Variants in S100A11 observed in about 807,000 individuals in gnomAD.
S100A11 encodes the protein S100 calcium binding protein A11, also known as protein S100-A11.
A neutral mutation model predicts 7.4 loss-of-function variants in S100A11; 5 were observed. That is an observed-to-expected ratio of 0.68 (90% CI 0.35 to 1.42). The LOEUF is 1.42. Among genes scored for constraint, S100A11 ranks in the 40% most tolerant of loss-of-function variants. S100A11 has a pLI of 0.04. For missense variants in S100A11, 96 were observed against 125.0 expected, an observed-to-expected ratio of 0.77 and a Z score of 1.11; for synonymous variants, 47 against 46.6, an observed-to-expected ratio of 1.01 and a Z score of -0.04.
At chr1:152,036,357 C>T (rs1447255944) in intron 1 of S100A11, among the ~76,000 whole-genome samples, 1 of 152,194 alleles carries the variant, frequency 6.6e-6, no homozygotes, top group Non-Finnish European at 1.5e-5. Context: ...CTCCCACATT[C>T]TTGGCCGCGG....
At position 152,036,926 on chromosome 1, in the gene S100A11, A is replaced by G; in HGVS notation, c.-11T>C. On this transcript the variant is annotated 5_prime_UTR_variant, in exon 1 of 3. Coordinates refer to ENST00000271638, the MANE Select transcript of S100A11 (RefSeq NM_005620.2). The stretch of plus-strand genomic sequence containing the variant: ...AGTGAGGCTTACCATGTTGGAGCTG[A>G]GCGAGGCGCGGGAGGCTGTGGCTGG... 2 of 1,613,496 alleles carry G rather than the reference A, an allele frequency of 1.2e-6. No homozygotes were observed. The highest frequency in any genetic ancestry group is 1.7e-6 in the Non-Finnish European group (2 of 1,179,666).
In S100A11 at chr1:152,033,975, C is replaced by T. The variant is rs1012981837; in HGVS notation, c.4-175G>A. On this transcript the variant is annotated intron_variant, in intron 1 of 2. Coordinates refer to ENST00000271638, the MANE Select transcript of S100A11 (RefSeq NM_005620.2). This position sits in a 1 kb window ranked among gnomAD's most constrained non-coding sequence, Gnocchi z 4.0. Reference sequence around the variant, plus strand: ...ACAAAAAGTCACACTCTGTGACCTTCCGTCCTACCCCTCGCCACATGTTTA... The same window carrying T: ...ACAAAAAGTCACACTCTGTGACCTTTCGTCCTACCCCTCGCCACATGTTTA... 5.9e-5 allele frequency among the ~76,000 whole-genome samples: 9 copies of T among 152,196 alleles called. No homozygotes were observed. The highest frequency in any genetic ancestry group is 8.8e-5 in the Non-Finnish European group (6 of 68,036).
In S100A11 at chr1:152,033,832, A is replaced by C; in HGVS notation, c.4-32T>G. The C allele has an allele frequency of 6.2e-7, 1 of 1,605,442 alleles. No individual in the cohort carries two copies. The highest frequency in any genetic ancestry group is 8.5e-7 in the Non-Finnish European group (1 of 1,172,258). ...AGAAAAAAAATTGCAGGGCTCAGACAAGGGAAGATGTCAAGGCTGGATACT... is the reference window on the plus strand; with the variant it reads ...AGAAAAAAAATTGCAGGGCTCAGACCAGGGAAGATGTCAAGGCTGGATACT... On this transcript the variant is annotated intron_variant, in intron 1 of 2. Coordinates refer to ENST00000271638, the MANE Select transcript of S100A11 (RefSeq NM_005620.2). This position sits in a 1 kb window ranked among gnomAD's most constrained non-coding sequence, Gnocchi z 4.0.
Position 152,032,647 on chromosome 1 carries a change from A to C in S100A11, c.*15T>G, listed in dbSNP as rs1656761582. On this transcript the variant is annotated 3_prime_UTR_variant, in exon 3 of 3. Transcript: ENST00000271638. ...AGGAAAGGGGGTGGGTTTGAAGGCC[A>C]GGGCCAAGGGGTCCTCAGGTCCGCT... 4 of 1,597,116 alleles carry C rather than the reference A, an allele frequency of 2.5e-6. No individual in the cohort carries two copies. The highest frequency in any genetic ancestry group is 1.7e-5 in the Admixed American group (1 of 59,688).
At chr1:152,035,487 A>G (rs1361231076) in intron 1 of S100A11, among the ~76,000 whole-genome samples, 2 of 152,218 alleles carry the variant, frequency 1.3e-5, no homozygotes, top group Admixed American at 6.5e-5. Context: ...TTTTCTTTTG[A>G]AAACTGTTGC....
intron 1 of S100A11, among the ~76,000 whole-genome samples, chr1:152,036,615 T>TC (rs150529562): frequency 0.025 from 3,637 of 147,418 alleles, 196 homozygotes; most frequent in African/African-American, 0.086. Context: ...CCACGACGGG[T>TC]CCCCCCCCCG....
Position 152,033,555 on chromosome 1 carries a change from T to C in S100A11, c.156+93A>G, listed in dbSNP as rs1656778092. 4.3e-6 allele frequency: 5 copies of C among 1,171,270 alleles called. No individual in the cohort carries two copies. Among genetic ancestry groups the C allele is most frequent in the South Asian group, 1.3e-5 (1 of 76,194 alleles). The allele number at this position is 1,171,270 out of a possible 1,614,324, so 72.6% of individuals were successfully genotyped here. ...TAAAATGAAGCAAGAGTGTGGGGTGTCAGTTGCTGCTCCTTCATTCCTGGC... is the reference window on the plus strand; with the variant it reads ...TAAAATGAAGCAAGAGTGTGGGGTGCCAGTTGCTGCTCCTTCATTCCTGGC... On this transcript the variant is annotated intron_variant, in intron 2 of 2. Coordinates refer to ENST00000271638, the MANE Select transcript of S100A11 (RefSeq NM_005620.2). The surrounding 1 kb of genome is among the most constrained non-coding windows in gnomAD (Gnocchi z 4.0).
intron 1 of S100A11, among the ~76,000 whole-genome samples, chr1:152,036,607 A>C (rs1656838070): frequency 2.0e-5 from 3 of 149,520 alleles, no homozygotes; most frequent in African/African-American, 2.6e-5. Context: ...GCAGTGACCC[A>C]CGACGGGTCC....
intron 1 of S100A11, 70 bp downstream of exon 1, chr1:152,036,843 A>T: frequency 7.5e-7 from 1 of 1,335,450 alleles, no homozygotes. Context: ...GTCTGCTGGG[A>T]AGTATGTGGG....
intron 1 of S100A11, among the ~76,000 whole-genome samples, chr1:152,034,050 T>C (rs1470258992): frequency 1.3e-5 from 2 of 152,232 alleles, no homozygotes; most frequent in Non-Finnish European, 2.9e-5. Flanking sequence ...CTGGCACGTT[T>C]AAAAGCAGTA....
intron 2 of S100A11, 30 bp from the exon 3 acceptor site, chr1:152,032,853 T>C: frequency 2.8e-6 from 4 of 1,428,660 alleles, no homozygotes; most frequent in Non-Finnish European, 3.8e-6. Flanking sequence ...TACACCTTTA[T>C]ATCGCATCTT....
Position 152,032,731 on chromosome 1 carries a change from C to T in S100A11, c.249G>A (p.Leu83=), listed in dbSNP as rs781086937. The T allele has an allele frequency of 6.2e-6, 10 of 1,613,966 alleles. No individual in the cohort carries two copies. In the African/African-American group the frequency reaches 1.3e-4, roughly 22 times the overall value. The change falls in exon 3 of 3, where the codon CTG becomes CTA. Residue 83 remains leucine, a synonymous_variant. Transcript: ENST00000271638. ...GGCAAGCCATAGCTAGGCCACCAATCAGATTAAGAAATTCTGAGAAATCTA... is the reference window on the plus strand; with the variant it reads ...GGCAAGCCATAGCTAGGCCACCAATTAGATTAAGAAATTCTGAGAAATCTA... ...GQLDFSEFLN[L]IGGLAMACHD...
chr1:152,032,909 T>A, intron 2 of S100A11, 86 bp from the exon 3 acceptor site: 2 of 1,056,212 alleles, frequency 1.9e-6, no homozygotes, highest in Non-Finnish European at 2.9e-6. Context: ...CTCACAGGAG[T>A]ATAAGGTACA....
Position 152,032,613 on chromosome 1 carries a change from A to G in S100A11, c.*49T>C. The G allele has an allele frequency of 6.4e-7, 1 of 1,564,504 alleles. No individual in the cohort carries two copies. On this transcript the variant is annotated 3_prime_UTR_variant, in exon 3 of 3. Coordinates refer to ENST00000271638, the MANE Select transcript of S100A11 (RefSeq NM_005620.2). The stretch of plus-strand genomic sequence containing the variant: ...GGTGGGCTGTGGAGATGATGACAGA[A>G]AGGCTGGAAGGAAAGGGGGTGGGTT...
chr1:152,033,568 CT>C lies in S100A11; in HGVS notation c.156+79del, dbSNP rs1447717799. On this transcript the variant is annotated intron_variant, in intron 2 of 2. Coordinates refer to ENST00000271638, the MANE Select transcript of S100A11 (RefSeq NM_005620.2). The surrounding 1 kb of genome is among the most constrained non-coding windows in gnomAD (Gnocchi z 4.0). The stretch of plus-strand genomic sequence containing the variant: ...GAGTGTGGGGTGTCAGTTGCTGCTC[CT>C]TCATTCCTGGCCATTCTGCCAGGGT... The C allele has an allele frequency of 9.2e-5, 129 of 1,395,476 alleles. No homozygotes were observed. Among genetic ancestry groups the C allele is most frequent in the Middle Eastern group, 2.5e-4 (1 of 3,958 alleles). The allele number at this position is 1,395,476 out of a possible 1,614,324, so 86.4% of individuals were successfully genotyped here.
At position 152,036,961 on chromosome 1, in the gene S100A11, TGAGA is replaced by T. The variant is rs1656847145; in HGVS notation, c.-50_-47del. 5.0e-6 allele frequency: 8 copies of T among 1,612,554 alleles called. No individual in the cohort carries two copies. The East Asian group carries it at 1.8e-4, about 36-fold the overall frequency. ...GGGAGGCTGTGGCTGGGAGCGGCGC[TGAGA>T]GCTCTGTGCGCGCGGCGTGCGGGTC... On this transcript the variant is annotated 5_prime_UTR_variant, in exon 1 of 3. Coordinates refer to ENST00000271638, the MANE Select transcript of S100A11 (RefSeq NM_005620.2).
intron 2 of S100A11, 66 bp from the exon 3 acceptor site, chr1:152,032,889 A>G (rs1247737841): frequency 8.2e-7 from 1 of 1,212,700 alleles, no homozygotes; most frequent in East Asian, 2.3e-5. Flanking sequence ...ATATGCTGCC[A>G]CATTTTATTC....
rs552615539 is a variant in S100A11, at chr1:152,036,853, GT to G, written c.3+59del. ...ATAAAGTCTGCTGGGAAGTATGTGG[GT>G]TTTTTTTCTTTTCTTTTTCTTTTCA... On this transcript the variant is annotated intron_variant, in intron 1 of 2. Transcript: ENST00000271638. 938 of 1,457,882 alleles carry G rather than the reference GT, an allele frequency of 6.4e-4. 3 individuals carry two copies. The highest frequency in any genetic ancestry group is 6.1e-3 in the African/African-American group (441 of 71,726). 90.3% of individuals were successfully genotyped at this position (1,457,882 alleles called of 1,614,324 possible). A position where few individuals can be genotyped will look rare whatever the true frequency, so the allele number is the denominator to read the frequency against.
rs1458463794 is a variant in S100A11 at position 152,033,480 on chromosome 1, T to C, written c.156+168A>G. On this transcript the variant is annotated intron_variant, in intron 2 of 2. Coordinates refer to ENST00000271638, the MANE Select transcript of S100A11 (RefSeq NM_005620.2). The surrounding 1 kb of genome is among the most constrained non-coding windows in gnomAD (Gnocchi z 4.0). Reference sequence around the variant, plus strand: ...AATAATTCCATTACGTCATATACCATTTCATATATCTCTCTTCCTAAATGG... The same window carrying C: ...AATAATTCCATTACGTCATATACCACTTCATATATCTCTCTTCCTAAATGG... Among the ~76,000 whole-genome samples, 1 of 152,232 alleles carries C rather than the reference T, an allele frequency of 6.6e-6. No homozygotes were observed. Among genetic ancestry groups the C allele is most frequent in the Admixed American group, 6.5e-5 (1 of 15,286 alleles).
Sources: gnomAD v4.1 joint callset for allele counts (sites outside exome capture counted in the v4.1 genomes callset) on GRCh38, gnomAD v4.1.1 for gene constraint, Gnocchi (gnomAD v3.1) non-coding constraint, MANE v1.5 for transcripts, NCBI Gene and HGNC (gene_info 2026-07-23, HGNC 2026-07-21) for gene names.